WWOX: variants seen among roughly 807,000 people sequenced by gnomAD.
WWOX encodes the protein WW domain-containing oxidoreductase.
A neutral mutation model predicts 46.2 loss-of-function variants in WWOX; 69 were observed. That is an observed-to-expected ratio of 1.49 (90% CI 1.23 to 1.82). The LOEUF (loss-of-function observed/expected upper bound fraction) is 1.82, where lower values mean the gene tolerates loss of function less well. Among genes scored for constraint, WWOX ranks in the 40% most tolerant of loss-of-function variants. The pLI is 0.00. For synonymous variants in WWOX, 359 were observed against 202.6 expected, an observed-to-expected ratio of 1.77 and a Z score of -6.56; for missense variants, 919 against 542.6, an observed-to-expected ratio of 1.69 and a Z score of -6.89.
chr16:78,324,729 G>T (rs1189078837), intron 5 of WWOX, among the ~76,000 whole-genome samples: 1 of 120,716 alleles, frequency 8.3e-6, no homozygotes, highest in Admixed American at 1.2e-4. Context: ...GATATGTCCA[G>T]AACAGAGAAA....
At chr16:78,210,432 C>G (rs2036524000) in intron 5 of WWOX, among the ~76,000 whole-genome samples, 1 of 152,114 alleles carries the variant, frequency 6.6e-6, no homozygotes, top group African/African-American at 2.4e-5. Flanking sequence ...TGCTGCTGGT[C>G]TCTTTGGAAG....
intron 8 of WWOX, among the ~76,000 whole-genome samples, chr16:78,715,726 C>T (rs936501255): frequency 1.3e-5 from 2 of 152,206 alleles, no homozygotes; most frequent in Non-Finnish European, 2.9e-5. Flanking sequence ...GTCTATCCAC[C>T]TTGGCCTCCC....
At chr16:78,621,987 G>A (rs988696482) in intron 8 of WWOX, among the ~76,000 whole-genome samples, 1 of 152,038 alleles carries the variant, frequency 6.6e-6, no homozygotes, top group Admixed American at 6.6e-5. Flanking sequence ...TAGTGCTCCT[G>A]GATGTCCAAT....
chr16:78,100,537 C>T (rs1040714972), intron 1 of WWOX, among the ~76,000 whole-genome samples: 1 of 152,218 alleles, frequency 6.6e-6, no homozygotes, highest in Non-Finnish European at 1.5e-5. Flanking sequence ...AGGCGTGAGC[C>T]ACTGCGCCTA....
intron 8 of WWOX, among the ~76,000 whole-genome samples, chr16:78,784,127 A>G (rs73575609): frequency 0.01 from 1,585 of 152,292 alleles, 17 homozygotes; most frequent in African/African-American, 0.024. Context: ...CATTTACACC[A>G]AATTCTTATA....
chr16:78,690,355 G>A (rs1198370112), intron 8 of WWOX, among the ~76,000 whole-genome samples: 3 of 152,050 alleles, frequency 2.0e-5, no homozygotes, highest in South Asian at 2.1e-4. Flanking sequence ...GTTCAAGACT[G>A]CCCTGGGCAG....
intron 5 of WWOX, among the ~76,000 whole-genome samples, chr16:78,241,827 G>A (rs1213895168): frequency 6.6e-6 from 1 of 152,164 alleles, no homozygotes; most frequent in Non-Finnish European, 1.5e-5. Flanking sequence ...GAGTGACCCA[G>A]GTGGTCACTG....
chr16:78,403,725 A>C (rs2082464990), intron 6 of WWOX, among the ~76,000 whole-genome samples: 1 of 152,250 alleles, frequency 6.6e-6, no homozygotes, highest in African/African-American at 2.4e-5. Context: ...CCACAAGGAA[A>C]GCATAGTCAA....
At chr16:78,559,748 A>G (rs2044389462) in intron 8 of WWOX, among the ~76,000 whole-genome samples, 1 of 152,214 alleles carries the variant, frequency 6.6e-6, no homozygotes, top group Admixed American at 6.5e-5. Flanking sequence ...AGTTCTAACT[A>G]ATGACTTTAA....
intron 8 of WWOX, among the ~76,000 whole-genome samples, chr16:78,760,102 A>G (rs1171847742): frequency 2.0e-5 from 3 of 152,138 alleles, no homozygotes; most frequent in Non-Finnish European, 4.4e-5. Context: ...GATTTGATGG[A>G]CTCACAGTTC....
chr16:79,174,906 T>G (rs910345288), intron 8 of WWOX, among the ~76,000 whole-genome samples: 1 of 152,246 alleles, frequency 6.6e-6, no homozygotes. Context: ...GTTGTCATTT[T>G]GCAAAATGTA....
chr16:78,757,233 C>A (rs1287557823), intron 8 of WWOX, among the ~76,000 whole-genome samples: 2 of 152,138 alleles, frequency 1.3e-5, no homozygotes, highest in African/African-American at 2.4e-5. Flanking sequence ...ATTTGTTATA[C>A]AACAGTGGAT....
chr16:78,542,018 CAAAAAAAAAAAAAA>C (rs548366256), intron 8 of WWOX, among the ~76,000 whole-genome samples: 3 of 40,638 alleles, frequency 7.4e-5, no homozygotes, highest in South Asian at 1.5e-3. Context: ...CAGAGTATAC[CAAAAAAAAAAAAAA>C]AAAAAAAAAA....
intron 8 of WWOX, among the ~76,000 whole-genome samples, chr16:78,785,029 G>A (rs1017859567): frequency 6.6e-6 from 1 of 152,198 alleles, no homozygotes; most frequent in African/African-American, 2.4e-5. Context: ...TGTGGCAACA[G>A]CAGTTATAGC....
chr16:79,166,624 A>G (rs1188742904), intron 8 of WWOX, among the ~76,000 whole-genome samples: 1 of 152,172 alleles, frequency 6.6e-6, no homozygotes, highest in Non-Finnish European at 1.5e-5. Flanking sequence ...GTTAACTGCA[A>G]TCCAAGTTTA....
chr16:78,438,478 G>T (rs1429215712), intron 8 of WWOX, among the ~76,000 whole-genome samples: 1 of 151,078 alleles, frequency 6.6e-6, no homozygotes, highest in African/African-American at 2.4e-5. Flanking sequence ...TTCCACATAA[G>T]CTTTCATTTC....
chr16:78,928,856 A>G (rs1326742030), intron 8 of WWOX, among the ~76,000 whole-genome samples: 1 of 152,174 alleles, frequency 6.6e-6, no homozygotes, highest in Non-Finnish European at 1.5e-5. Flanking sequence ...AGAGAATTAT[A>G]ATGTGTTTTG....
At chr16:78,948,978 C>G (rs574144848) in intron 8 of WWOX, among the ~76,000 whole-genome samples, 36 of 152,182 alleles carry the variant, frequency 2.4e-4, no homozygotes, top group African/African-American at 8.7e-4. Flanking sequence ...CTGCCACTGG[C>G]TTTGAAGATG....
intron 8 of WWOX, among the ~76,000 whole-genome samples, chr16:78,779,358 A>C (rs2050269395): frequency 6.6e-6 from 1 of 152,024 alleles, no homozygotes; most frequent in Admixed American, 6.6e-5. Context: ...TGTTGCCCAG[A>C]CTGGTCTTGA....
Sources: allele counts gnomAD v4.1 joint callset (sites outside exome capture counted in the v4.1 genomes callset), GRCh38; gene constraint gnomAD v4.1.1; transcripts MANE v1.5; gene names NCBI Gene and HGNC (gene_info 2026-07-23, HGNC 2026-07-21).